FRMD5: variants seen among roughly 807,000 people sequenced by gnomAD.
FRMD5 encodes FERM domain-containing protein 5.
In FRMD5, 20 loss-of-function variants were observed where a neutral mutation model predicts 69.0. That is an observed-to-expected ratio of 0.29 (90% CI 0.20 to 0.42). The LOEUF (loss-of-function observed/expected upper bound fraction) is 0.42. Ranked by LOEUF, FRMD5 falls within the 10% of genes least tolerant of loss-of-function variation. The pLI is 1.00. For synonymous variants in FRMD5, 271 were observed against 260.1 expected (o/e 1.04, Z -0.40); for missense variants, 595 against 708.6 (o/e 0.84, Z 1.82).
intron 1 of FRMD5, among the ~76,000 whole-genome samples, chr15:43,959,947 C>T (rs949133355): frequency 3.9e-5 from 6 of 152,184 alleles, no homozygotes; most frequent in Non-Finnish European, 8.8e-5. Flanking sequence ...GACGGAGTTT[C>T]GCTCTTGTTG....
chr15:44,154,968 A>G (rs1223779535), intron 1 of FRMD5, among the ~76,000 whole-genome samples: 1 of 152,238 alleles, frequency 6.6e-6, no homozygotes, highest in East Asian at 1.9e-4. Context: ...AAGAAAAAGA[A>G]AAATAGGTAC....
At position 44,079,893 on chromosome 15, in the gene FRMD5, G is replaced by A. The variant is rs544647363; in HGVS notation, c.102+115060C>T. ...TGGAATAAGCCAGACACAAAAGGAC[G>A]AATATTGTATGATTACACTTATATG... On this transcript the variant is annotated intron_variant, in intron 1 of 13. Coordinates refer to ENST00000417257, the MANE Select transcript of FRMD5 (RefSeq NM_032892.5). Among the ~76,000 whole-genome samples the A allele has an allele frequency of 7.2e-5, 11 of 152,014 alleles. No individual in the cohort carries two copies. The East Asian group carries it at 1.3e-3, about 19-fold the overall frequency.
chr15:43,907,795 C>T (rs1297734107), intron 5 of FRMD5, among the ~76,000 whole-genome samples: 3 of 152,088 alleles, frequency 2.0e-5, no homozygotes, highest in Admixed American at 6.6e-5. Flanking sequence ...CGTGAGCCAC[C>T]GTGCCAGGCC....
chr15:43,897,551 C>G (rs1186576103), intron 7 of FRMD5, among the ~76,000 whole-genome samples: 1 of 137,076 alleles, frequency 7.3e-6, no homozygotes, highest in Non-Finnish European at 1.6e-5. Context: ...GGATGGGGTT[C>G]TTCTTTAGAG....
At chr15:43,876,210 G>C (rs746474755) in intron 13 of FRMD5, 1 of 1,591,694 alleles carries the variant, frequency 6.3e-7, no homozygotes, top group Non-Finnish European at 8.6e-7. Context: ...CCCTTTCCCC[G>C]CTTTTCCAGA....
At position 44,189,092 on chromosome 15, in the gene FRMD5, C is replaced by T. The variant is rs1345011174; in HGVS notation, c.102+5861G>A. Reference sequence around the variant, plus strand: ...GGCACGGAAGGATCTCTTTAGAGAACTTGATTCACACAAGTTTGTGTTTAG... The same window carrying T: ...GGCACGGAAGGATCTCTTTAGAGAATTTGATTCACACAAGTTTGTGTTTAG... On this transcript the variant is annotated intron_variant, in intron 1 of 13. Coordinates refer to ENST00000417257, the MANE Select transcript of FRMD5 (RefSeq NM_032892.5). Among the ~76,000 whole-genome samples the T allele has an allele frequency of 2.6e-5, 4 of 152,114 alleles. No homozygotes were observed. In the South Asian group the frequency reaches 6.2e-4, roughly 24 times the overall value.
intron 1 of FRMD5, among the ~76,000 whole-genome samples, chr15:44,082,537 G>C (rs1894039429): frequency 6.6e-6 from 1 of 151,878 alleles, no homozygotes; most frequent in Non-Finnish European, 1.5e-5. Context: ...AGACTCCCTT[G>C]TTTTATATGC....
chr15:44,150,970 T>C (rs956602501), intron 1 of FRMD5, among the ~76,000 whole-genome samples: 2 of 151,966 alleles, frequency 1.3e-5, no homozygotes, highest in East Asian at 3.9e-4. Flanking sequence ...TATGCACCTG[T>C]AGTCTCAGCT....
intron 1 of FRMD5, among the ~76,000 whole-genome samples, chr15:44,006,368 C>T (rs926302737): frequency 2.6e-5 from 4 of 152,106 alleles, no homozygotes; most frequent in African/African-American, 9.7e-5. Context: ...ACCTGATTAC[C>T]AAAGAGATCT....
chr15:44,099,799 A>C (rs1043589878), intron 1 of FRMD5, among the ~76,000 whole-genome samples: 2 of 152,206 alleles, frequency 1.3e-5, no homozygotes, highest in Non-Finnish European at 2.9e-5. Context: ...TATCTCTGGC[A>C]CTAGAAATAC....
At chr15:44,182,324 C>G (rs1184596019) in intron 1 of FRMD5, among the ~76,000 whole-genome samples, 1 of 85,674 alleles carries the variant, frequency 1.2e-5, no homozygotes, top group Non-Finnish European at 2.3e-5. Context: ...CATTGCTTTT[C>G]TTTTTTTTTT....
intron 1 of FRMD5, among the ~76,000 whole-genome samples, chr15:43,988,423 T>C (rs1458974428): frequency 6.6e-6 from 1 of 151,876 alleles, no homozygotes; most frequent in Non-Finnish European, 1.5e-5. Context: ...TTTAGACATA[T>C]GCTACTGCAC....
intron 13 of FRMD5, among the ~76,000 whole-genome samples, chr15:43,880,150 G>A (rs1015241045): frequency 3.9e-5 from 6 of 152,180 alleles, no homozygotes; most frequent in African/African-American, 1.4e-4. Context: ...GTCCAGGCCT[G>A]CCCTGGTGCC....
chr15:44,139,990 GATC>G (rs2077244282), intron 1 of FRMD5, among the ~76,000 whole-genome samples: 1 of 151,602 alleles, frequency 6.6e-6, no homozygotes, highest in Non-Finnish European at 1.5e-5. Context: ...CAGTAAGTCT[GATC>G]TTATACATAT....
intron 1 of FRMD5, among the ~76,000 whole-genome samples, chr15:43,968,036 T>C (rs201189126): frequency 1.3e-5 from 2 of 148,792 alleles, no homozygotes; most frequent in East Asian, 3.9e-4. Flanking sequence ...ACCACACTGA[T>C]CTGAAAAAAA....
At chr15:43,891,807 G>C (rs916666478) in intron 8 of FRMD5, among the ~76,000 whole-genome samples, 174 bp downstream of exon 8, 1 of 152,140 alleles carries the variant, frequency 6.6e-6, no homozygotes, top group African/African-American at 2.4e-5. Context: ...CCCTTTAGAA[G>C]AAAAGGATCC....
At chr15:43,985,863 C>G (rs1889371669) in intron 1 of FRMD5, among the ~76,000 whole-genome samples, 2 of 152,150 alleles carry the variant, frequency 1.3e-5, no homozygotes, top group South Asian at 4.1e-4. Flanking sequence ...GAAAGAGAAA[C>G]TTCACTAAGA....
chr15:44,106,046 G>A (rs2076713575), intron 1 of FRMD5, among the ~76,000 whole-genome samples: 1 of 151,892 alleles, frequency 6.6e-6, no homozygotes, highest in Non-Finnish European at 1.5e-5. Context: ...TAACTGTATT[G>A]GTTTTTTATT....
At chr15:43,891,250 A>G (rs1483942638) in intron 8 of FRMD5, among the ~76,000 whole-genome samples, 1 of 152,218 alleles carries the variant, frequency 6.6e-6, no homozygotes, top group Admixed American at 6.5e-5. Flanking sequence ...GAGTCTGCCC[A>G]GAGGCATGCA....
Sources: gnomAD v4.1 joint callset for allele counts (sites outside exome capture counted in the v4.1 genomes callset) on GRCh38, gnomAD v4.1.1 for gene constraint, MANE v1.5 for transcripts, NCBI Gene and HGNC (gene_info 2026-07-23, HGNC 2026-07-21) for gene names.